Variants in PDXDC1 observed in about 807,000 individuals in gnomAD.
PDXDC1 encodes the protein pyridoxal dependent decarboxylase domain containing 1.
In PDXDC1, 42 loss-of-function variants were observed where a neutral mutation model predicts 100.1. The observed-to-expected ratio is 0.42, with a 90% CI of 0.33 to 0.54. The LOEUF is 0.54. Among genes scored for constraint, PDXDC1 ranks in the 20% least tolerant of loss-of-function variants. PDXDC1 has a pLI of 0.10. For missense variants in PDXDC1, 636 were observed against 979.2 expected, an observed-to-expected ratio of 0.65 and a Z score of 4.68; for synonymous variants, 260 against 371.7, an observed-to-expected ratio of 0.70 and a Z score of 3.46.
At chr16:15,010,806 G>A (rs1280420090) in intron 8 of PDXDC1, among the ~76,000 whole-genome samples, 1 of 152,280 alleles carries the variant, frequency 6.6e-6, no homozygotes, top group Non-Finnish European at 1.5e-5. Context: ...TAGCAAAGAA[G>A]AATTGGAAAT....
intron 16 of PDXDC1, chr16:15,048,106 A>G: frequency 1.3e-6 from 2 of 1,551,976 alleles, no homozygotes; most frequent in Non-Finnish European, 1.8e-6. Context: ...TTTCCTGTTT[A>G]ATTAAAAAAA....
chr16:15,142,630 C>T (rs1335049363), downstream of PDXDC1, among the ~76,000 whole-genome samples: 2 of 152,152 alleles, frequency 1.3e-5, no homozygotes, highest in Non-Finnish European at 1.5e-5. Flanking sequence ...CAGGGATCCC[C>T]GTGGAGTCCT....
At chr16:15,152,169 T>G in the PDXDC1 span, among the ~76,000 whole-genome samples, 1 of 131,594 alleles carries the variant, frequency 7.6e-6, no homozygotes, top group Non-Finnish European at 1.7e-5. Context: ...AAGCCCCGGC[T>G]GTCCTCCACC....
intron 22 of PDXDC1, among the ~76,000 whole-genome samples, chr16:15,035,790 T>A (rs1871986652): frequency 6.6e-6 from 1 of 152,164 alleles, no homozygotes; most frequent in South Asian, 2.1e-4. Context: ...TTTACCCTCC[T>A]GGGCGTTTCC....
intron 1 of PDXDC1, among the ~76,000 whole-genome samples, chr16:14,985,973 T>C (rs1969269940): frequency 6.6e-6 from 1 of 152,242 alleles, no homozygotes; most frequent in Non-Finnish European, 1.5e-5. Flanking sequence ...TGGTGGCATG[T>C]GCCTGTAGCC....
chr16:15,101,715 A>G (rs1485182923), intron 16 of PDXDC1, among the ~76,000 whole-genome samples: 3 of 148,926 alleles, frequency 2.0e-5, no homozygotes, highest in Non-Finnish European at 4.5e-5. Flanking sequence ...GCTTTTGCCC[A>G]GGTTAGAGTG....
At chr16:15,126,127 C>G (rs951819717) in intron 16 of PDXDC1, among the ~76,000 whole-genome samples, 9 of 151,794 alleles carry the variant, frequency 5.9e-5, no homozygotes, top group Non-Finnish European at 1.5e-5. Flanking sequence ...CTCCACCTCC[C>G]GCGTTCAGGC....
intron 16 of PDXDC1, chr16:15,047,865 C>T: frequency 6.2e-7 from 1 of 1,612,678 alleles, no homozygotes. Flanking sequence ...CTGTGTGCCT[C>T]AGGACCACAA....
At chr16:15,122,169 C>A (rs1213873861) in intron 16 of PDXDC1, among the ~76,000 whole-genome samples, 2 of 151,650 alleles carry the variant, frequency 1.3e-5, no homozygotes, top group African/African-American at 4.9e-5. Flanking sequence ...GTCTAAAAAA[C>A]AAACAAACAA....
At chr16:15,109,208 A>T (rs1489834206) in intron 16 of PDXDC1, 2 of 149,184 alleles carry the variant, frequency 1.3e-5, no homozygotes, top group African/African-American at 2.4e-5. Flanking sequence ...AAAACATGAA[A>T]GACTGTGAAA....
chr16:15,035,220 C>A (rs1007702710), intron 21 of PDXDC1, among the ~76,000 whole-genome samples: 4 of 152,198 alleles, frequency 2.6e-5, no homozygotes, highest in African/African-American at 9.7e-5. Context: ...GGGCCTGGCT[C>A]CCTGGGTGTG....
chr16:15,074,617 AT>A, intron 16 of PDXDC1: 1 of 800,120 alleles, frequency 1.2e-6, no homozygotes. Flanking sequence ...CTCAATAGAT[AT>A]TTTTACAGGA....
At chr16:15,141,070 G>C (rs180753150), downstream of PDXDC1, among the ~76,000 whole-genome samples, 1 of 143,232 alleles carries the variant, frequency 7.0e-6, no homozygotes, top group Non-Finnish European at 1.5e-5. Flanking sequence ...CTGAGCACCC[G>C]CCCAGCCCCT....
chr16:15,022,564 T>G, intron 12 of PDXDC1, 140 bp from the exon 13 acceptor site: 1 of 631,834 alleles, frequency 1.6e-6, no homozygotes. Context: ...CAAAAACAGG[T>G]GGCTGAACTT....
chr16:15,093,980 C>T, intron 16 of PDXDC1: 3 of 675,146 alleles, frequency 4.4e-6, no homozygotes, highest in African/African-American at 1.8e-5. Context: ...TGTCTATTAC[C>T]CAGTTAGGAG....
the PDXDC1 span, among the ~76,000 whole-genome samples, chr16:15,145,984 C>T: frequency 1.3e-5 from 2 of 152,230 alleles, no homozygotes; most frequent in Non-Finnish European, 2.9e-5. Flanking sequence ...GCAGGGTCTC[C>T]CCCACGAGCA....
intron 1 of PDXDC1, among the ~76,000 whole-genome samples, chr16:14,997,284 C>G (rs1972181832): frequency 6.6e-6 from 1 of 152,284 alleles, no homozygotes; most frequent in Admixed American, 6.5e-5. Flanking sequence ...CACCTGCAAT[C>G]CCAGCACTTT....
intron 16 of PDXDC1, among the ~76,000 whole-genome samples, chr16:15,081,209 T>C (rs904227835): frequency 1.3e-5 from 2 of 152,230 alleles, no homozygotes; most frequent in African/African-American, 2.4e-5. Context: ...GGACATATAT[T>C]TTCATTTCTC....
chr16:15,014,460 A>G (rs1434429382), intron 8 of PDXDC1, among the ~76,000 whole-genome samples: 4 of 152,296 alleles, frequency 2.6e-5, no homozygotes, highest in African/African-American at 7.2e-5. Flanking sequence ...GAGAATCTGC[A>G]TGCGATCCAG....
Sources: gnomAD v4.1 joint callset for allele counts (sites outside exome capture counted in the v4.1 genomes callset) on GRCh38, gnomAD v4.1.1 for gene constraint, MANE v1.5 for transcripts, NCBI Gene and HGNC (gene_info 2026-07-23, HGNC 2026-07-21) for gene names.